ZFP30: variants seen among roughly 807,000 people sequenced by gnomAD.
ZFP30 encodes zinc finger protein 30 homolog.
Under a neutral mutation model 12.3 loss-of-function variants are expected in ZFP30, and 16 were observed. The observed-to-expected ratio is 1.30, with a 90% CI of 0.88 to 1.98. ZFP30 has a LOEUF of 1.98. Among genes scored for constraint, ZFP30 ranks in the 30% most tolerant of loss-of-function variants. The probability of loss-of-function intolerance (pLI) is 0.00; values close to 1 mark genes in which losing one functional copy is unlikely to be tolerated. For synonymous variants in ZFP30, 172 were observed against 201.0 expected (o/e 0.86, Z 1.22); for missense variants, 560 against 611.2 (o/e 0.92, Z 0.88).
chr19:37,649,246 TAAA>T (rs5827988), intron 2 of ZFP30, among the ~76,000 whole-genome samples: 33 of 129,916 alleles, frequency 2.5e-4, no homozygotes, highest in Non-Finnish European at 3.4e-4. Context: ...CCCTGTCTCT[TAAA>T]AAAAAAAAAA....
At chr19:37,649,822 T>A (rs941316418) in intron 2 of ZFP30, among the ~76,000 whole-genome samples, 2 of 127,810 alleles carry the variant, frequency 1.6e-5, no homozygotes, top group Non-Finnish European at 3.3e-5. Context: ...ATACCCCGTC[T>A]TAAAAAAAAA....
intron 5 of ZFP30, among the ~76,000 whole-genome samples, chr19:37,637,464 C>T (rs2044352853): frequency 6.6e-6 from 1 of 151,934 alleles, no homozygotes; most frequent in South Asian, 2.1e-4. Context: ...GTCAGAATTA[C>T]AGGCGTCAGC....
chr19:37,641,984 G>A (rs1469036574), intron 5 of ZFP30, among the ~76,000 whole-genome samples: 3 of 152,236 alleles, frequency 2.0e-5, no homozygotes, highest in Non-Finnish European at 4.4e-5. Context: ...GGCTTTAGAT[G>A]CTTGATAAGA....
chr19:37,650,267 T>C (rs2044623192), intron 2 of ZFP30, among the ~76,000 whole-genome samples: 1 of 151,900 alleles, frequency 6.6e-6, no homozygotes, highest in South Asian at 2.1e-4. Context: ...TAAAGGCACA[T>C]GACACCACCC....
intron 4 of ZFP30, among the ~76,000 whole-genome samples, chr19:37,643,701 T>A (rs138020165): frequency 6.6e-6 from 1 of 152,366 alleles, no homozygotes; most frequent in East Asian, 1.9e-4. Context: ...AGATTCGATT[T>A]AATGTAAGTG....
At chr19:37,641,697 T>A (rs920229775) in intron 5 of ZFP30, among the ~76,000 whole-genome samples, 2 of 152,192 alleles carry the variant, frequency 1.3e-5, no homozygotes, top group Admixed American at 6.5e-5. Context: ...TTATTAAATA[T>A]CATCAAAAGT....
chr19:37,638,213 C>T (rs779288596), intron 5 of ZFP30, among the ~76,000 whole-genome samples: 14 of 152,276 alleles, frequency 9.2e-5, no homozygotes, highest in Non-Finnish European at 1.6e-4. Flanking sequence ...AACTTTGCCC[C>T]CTTTCACGAC....
chr19:37,639,957 T>C (rs541022261), intron 5 of ZFP30, among the ~76,000 whole-genome samples: 36 of 152,336 alleles, frequency 2.4e-4, no homozygotes, highest in African/African-American at 8.4e-4. Flanking sequence ...CGCTACCAAA[T>C]AGCCATGTTT....
chr19:37,643,400 T>C (rs778768597), intron 4 of ZFP30, 37 bp from the exon 5 acceptor site: 2 of 1,408,116 alleles, frequency 1.4e-6, no homozygotes, highest in Admixed American at 2.3e-5. Context: ...AAAGAATTTA[T>C]TTAAGGCTTC....
chr19:37,649,979 G>A (rs964260255), intron 2 of ZFP30, among the ~76,000 whole-genome samples: 4 of 151,952 alleles, frequency 2.6e-5, no homozygotes, highest in African/African-American at 4.8e-5. Flanking sequence ...ATTGTATTTC[G>A]GCAGGTAAAC....
intron 2 of ZFP30, among the ~76,000 whole-genome samples, chr19:37,654,244 C>T (rs1173149878): frequency 1.3e-5 from 2 of 152,172 alleles, no homozygotes; most frequent in African/African-American, 2.4e-5. Flanking sequence ...CACTACACCT[C>T]CCTCAGTCGA....
rs59250127 is a variant in ZFP30, at chr19:37,631,680, T to TAAAAAAAAAAAAAAA, written c.*3286_*3300dup. On this transcript the variant is annotated 3_prime_UTR_variant, in exon 6 of 6. Coordinates refer to ENST00000684514, the MANE Select transcript of ZFP30 (RefSeq NM_001320669.3). ...ATTCCATTCTTAATACATAGAAAGC[T>TAAAAAAAAAAAAAAA]AAAAAAAAAAAAAAAAAAAAGACAA... 2.2e-4 allele frequency: 25 copies of TAAAAAAAAAAAAAAA among 111,372 alleles called. No individual in the cohort carries two copies. Among genetic ancestry groups the TAAAAAAAAAAAAAAA allele is most frequent in the Non-Finnish European group, 2.8e-4 (14 of 49,968 alleles). The allele number at this position is 111,372 out of a possible 1,614,324, so 6.9% of individuals were successfully genotyped here. A position where few individuals can be genotyped will look rare whatever the true frequency, so the allele number is the denominator to read the frequency against.
intron 3 of ZFP30, 86 bp downstream of exon 3, chr19:37,647,728 A>C: frequency 6.5e-7 from 1 of 1,550,246 alleles, no homozygotes; most frequent in South Asian, 1.1e-5. Context: ...GGGCTCTGTT[A>C]GAAAGTTGCA....
rs937412915 is a variant in ZFP30, at chr19:37,633,277, C to T, written c.*1704G>A. On this transcript the variant is annotated 3_prime_UTR_variant, in exon 6 of 6. Transcript: ENST00000684514. ...CATTTTAACTTCCTGAATACATTATCGTCATTATAGTGTAATTAATATTCC... is the reference window on the plus strand; with the variant it reads ...CATTTTAACTTCCTGAATACATTATTGTCATTATAGTGTAATTAATATTCC... The T allele has an allele frequency of 1.3e-5, 2 of 152,042 alleles. No individual in the cohort carries two copies. Among genetic ancestry groups the T allele is most frequent in the African/African-American group, 4.8e-5 (2 of 41,378 alleles). The allele number at this position is 152,042 out of a possible 1,614,324, so 9.4% of individuals were successfully genotyped here. A position where few individuals can be genotyped will look rare whatever the true frequency, so the allele number is the denominator to read the frequency against.
chr19:37,637,956 A>G (rs1331668887), intron 5 of ZFP30, among the ~76,000 whole-genome samples: 5 of 152,248 alleles, frequency 3.3e-5, no homozygotes, highest in African/African-American at 7.2e-5. Context: ...TTAAATTCTC[A>G]TAATTAGTCA....
chr19:37,648,521 G>T (rs914590431), intron 2 of ZFP30, among the ~76,000 whole-genome samples: 1 of 151,968 alleles, frequency 6.6e-6, no homozygotes, highest in East Asian at 1.9e-4. Flanking sequence ...CTTATAATGG[G>T]CAGCAAAGTT....
intron 3 of ZFP30, 32 bp downstream of exon 3, chr19:37,647,782 G>A (rs948775489): frequency 2.5e-6 from 4 of 1,613,608 alleles, no homozygotes; most frequent in Non-Finnish European, 3.4e-6. Context: ...AAAAATGACA[G>A]AATTCCAAAG....
intron 5 of ZFP30, among the ~76,000 whole-genome samples, chr19:37,640,342 T>C (rs2044409475): frequency 6.6e-6 from 1 of 151,640 alleles, no homozygotes. Context: ...AATTTTAATG[T>C]TCTACCTCCA....
intron 5 of ZFP30, among the ~76,000 whole-genome samples, chr19:37,639,234 C>T (rs2044388912): frequency 6.6e-6 from 1 of 152,012 alleles, no homozygotes; most frequent in African/African-American, 2.4e-5. Context: ...TTAATAAAAG[C>T]ATCATAATTA....
Sources: gnomAD v4.1 joint callset for allele counts (sites outside exome capture counted in the v4.1 genomes callset) on GRCh38, gnomAD v4.1.1 for gene constraint, MANE v1.5 for transcripts, NCBI Gene and HGNC (gene_info 2026-07-23, HGNC 2026-07-21) for gene names.